NELL2: variants seen among roughly 807,000 people sequenced by gnomAD.
NELL2 encodes neural EGFL like 2.
A neutral mutation model predicts 109.6 loss-of-function variants in NELL2; 41 were observed. That is an observed-to-expected ratio of 0.37 (90% CI 0.29 to 0.49). NELL2 has a LOEUF of 0.49. Ranked by LOEUF, NELL2 falls within the 20% of genes least tolerant of loss-of-function variation. NELL2 has a pLI of 0.98. For synonymous variants in NELL2, 355 were observed against 344.7 expected (o/e 1.03, Z -0.33); for missense variants, 900 against 1,008.3 (o/e 0.89, Z 1.45).
At chr12:44,756,792 T>A (rs182848678) in intron 9 of NELL2, among the ~76,000 whole-genome samples, 83 of 152,298 alleles carry the variant, frequency 5.4e-4, no homozygotes, top group African/African-American at 1.9e-3. Context: ...AGATTTTAAA[T>A]GTAGGAGTAC....
chr12:44,811,885 C>CTCTTGCTCTTGCTCAAGA (rs1226205878), intron 3 of NELL2, among the ~76,000 whole-genome samples: 4 of 151,926 alleles, frequency 2.6e-5, no homozygotes, highest in Non-Finnish European at 5.9e-5. Flanking sequence ...ATAGCTCAAG[C>CTCTTGCTCTTGCTCAAGA]TCTTGCTCTT....
intron 14 of NELL2, among the ~76,000 whole-genome samples, chr12:44,610,370 C>T (rs944446130): frequency 1.3e-5 from 2 of 151,398 alleles, no homozygotes; most frequent in Admixed American, 6.6e-5. Context: ...TGTTTGGGCT[C>T]GAAAAGAAAC....
chr12:44,825,817 G>A (rs367580610), intron 2 of NELL2, among the ~76,000 whole-genome samples: 4 of 151,494 alleles, frequency 2.6e-5, no homozygotes, highest in East Asian at 2.0e-4. Context: ...AGGCCGAGGC[G>A]AGTGGATCAC....
intron 2 of NELL2, among the ~76,000 whole-genome samples, chr12:44,821,885 TTTTATTTA>T (rs199661897): frequency 0.067 from 9,519 of 141,252 alleles, 389 homozygotes; most frequent in Non-Finnish European, 0.092. Flanking sequence ...GCCCGGCTGG[TTTTATTTA>T]TTTATTTATT....
chr12:44,691,191 AT>A (rs2136395194), intron 12 of NELL2, among the ~76,000 whole-genome samples: 1 of 152,292 alleles, frequency 6.6e-6, no homozygotes, highest in South Asian at 2.1e-4. Flanking sequence ...ACAACCCTAC[AT>A]TGACCAAGTC....
chr12:44,823,922 T>A (rs1013841292), intron 2 of NELL2, among the ~76,000 whole-genome samples: 3 of 152,226 alleles, frequency 2.0e-5, no homozygotes, highest in Non-Finnish European at 4.4e-5. Flanking sequence ...TTTTTGATAA[T>A]AGTCATTTTA....
At chr12:44,547,147 T>C (rs1013915809) in intron 15 of NELL2, among the ~76,000 whole-genome samples, 1 of 152,204 alleles carries the variant, frequency 6.6e-6, no homozygotes, top group African/African-American at 2.4e-5. Flanking sequence ...TGCTACTTCT[T>C]AGAGGCAGGT....
intron 2 of NELL2, among the ~76,000 whole-genome samples, chr12:44,848,551 C>G (rs559459133): frequency 6.6e-6 from 1 of 152,242 alleles, no homozygotes; most frequent in South Asian, 2.1e-4. Context: ...TCCCCACCCC[C>G]ATCCCACCTG....
intron 15 of NELL2, among the ~76,000 whole-genome samples, chr12:44,601,329 A>T (rs1160848877): frequency 6.6e-6 from 1 of 152,162 alleles, no homozygotes; most frequent in East Asian, 1.9e-4. Flanking sequence ...TGGAAGAATG[A>T]CTTTGAGATT....
At chr12:44,711,436 A>G in intron 10 of NELL2, 42 bp from the exon 11 acceptor site, 1 of 1,529,416 alleles carries the variant, frequency 6.5e-7, no homozygotes. Context: ...TTTTATCATT[A>G]GGACTTGTTA....
rs541453340 is a variant in NELL2 at position 44,577,713 on chromosome 12, C to T, written c.1663+29456G>A. 5.2e-3 allele frequency among the ~76,000 whole-genome samples: 788 copies of T among 152,068 alleles called. 6 individuals are homozygous for T. The highest frequency in any genetic ancestry group is 0.016 in the African/African-American group (673 of 41,476). ...CAGGATGGTCTCGATCTCCTGACCT[C>T]GTGATCCGCCCACCTCGGCCTCCCA... On this transcript the variant is annotated intron_variant, in intron 15 of 19. Coordinates refer to ENST00000429094, the MANE Select transcript of NELL2 (RefSeq NM_001145108.2).
intron 2 of NELL2, among the ~76,000 whole-genome samples, chr12:44,817,276 T>A (rs944232770): frequency 1.3e-5 from 2 of 152,192 alleles, no homozygotes; most frequent in African/African-American, 4.8e-5. Flanking sequence ...ACAACCTTGA[T>A]GAAACAGAAA....
chr12:44,668,015 T>C (rs1947991330), intron 12 of NELL2, among the ~76,000 whole-genome samples: 1 of 152,018 alleles, frequency 6.6e-6, no homozygotes, highest in South Asian at 2.1e-4. Context: ...CATGGTGCAG[T>C]TTTGAGAGGC....
intron 14 of NELL2, among the ~76,000 whole-genome samples, chr12:44,607,638 C>T (rs1348775046): frequency 2.6e-5 from 4 of 151,984 alleles, no homozygotes; most frequent in South Asian, 2.1e-4. Context: ...ATCTAAAGAA[C>T]GAGACCATGA....
chr12:44,788,509 G>T (rs940425370), intron 3 of NELL2, among the ~76,000 whole-genome samples: 30 of 152,180 alleles, frequency 2.0e-4, no homozygotes, highest in Non-Finnish European at 4.0e-4. Flanking sequence ...AAAGGCCCTG[G>T]GAGCTCACTG....
chr12:44,772,515 C>T (rs959438406), intron 9 of NELL2, among the ~76,000 whole-genome samples: 1 of 152,212 alleles, frequency 6.6e-6, no homozygotes. Flanking sequence ...CCAAAAAGAA[C>T]CGCTAAGAAT....
At chr12:44,612,031 TTAATTTCACG>T (rs1945641404) in intron 13 of NELL2, among the ~76,000 whole-genome samples, 1 of 152,070 alleles carries the variant, frequency 6.6e-6, no homozygotes, top group Non-Finnish European at 1.5e-5. Flanking sequence ...GATTGAGCCA[TTAATTTCACG>T]TAATATAAAT....
At chr12:44,875,673 T>C in intron 1 of NELL2, 142 bp downstream of exon 1, 2 of 1,584,112 alleles carry the variant, frequency 1.3e-6, no homozygotes, top group Non-Finnish European at 8.5e-7. Context: ...AAAAAATCCA[T>C]ATCCAAACCC....
chr12:44,791,121 G>GTA (rs1188393357), intron 3 of NELL2, among the ~76,000 whole-genome samples: 7,772 of 23,884 alleles, frequency 0.33, 1,193 homozygotes, highest in South Asian at 0.44. Flanking sequence ...ATATATATAT[G>GTA]TATATATATA....
Sources: allele counts gnomAD v4.1 joint callset (sites outside exome capture counted in the v4.1 genomes callset), GRCh38; gene constraint gnomAD v4.1.1; transcripts MANE v1.5; gene names NCBI Gene and HGNC (gene_info 2026-07-23, HGNC 2026-07-21).